The following KPNA6 variants were observed in gnomAD, a reference collection of about 807,000 sequenced individuals.
The protein encoded by KPNA6 is karyopherin subunit alpha 6.
A neutral mutation model predicts 72.0 loss-of-function variants in KPNA6; 9 were observed. That is an observed-to-expected ratio of 0.13 (90% CI 0.08 to 0.22). KPNA6 has a LOEUF of 0.22. Among genes scored for constraint, KPNA6 ranks in the 10% least tolerant of loss-of-function variants. The pLI is 1.00. For synonymous variants in KPNA6, 219 were observed against 242.1 expected (o/e 0.90, Z 0.89); for missense variants, 374 against 655.7 (o/e 0.57, Z 4.69).
At chr1:32,157,274 C>T in intron 3 of KPNA6, 72 bp from the exon 4 acceptor site, 1 of 1,149,288 alleles carries the variant, frequency 8.7e-7, no homozygotes, top group Non-Finnish European at 1.3e-6. Flanking sequence ...AACAGGATGC[C>T]AAGCAGTATT....
chr1:32,158,886 A>G (rs1317957769), intron 5 of KPNA6, among the ~76,000 whole-genome samples: 2 of 152,250 alleles, frequency 1.3e-5, no homozygotes, highest in Non-Finnish European at 2.9e-5. Flanking sequence ...CTGATCATTC[A>G]GTTATAAATC....
chr1:32,122,957 C>CA (rs912635889), intron 1 of KPNA6, among the ~76,000 whole-genome samples: 1,299 of 55,548 alleles, frequency 0.023, 10 homozygotes, highest in Middle Eastern at 0.085. Flanking sequence ...AACTCCATCT[C>CA]AAAAAAAAAA....
chr1:32,123,409 A>G (rs1052135125), intron 1 of KPNA6, among the ~76,000 whole-genome samples: 1 of 152,002 alleles, frequency 6.6e-6, no homozygotes, highest in Admixed American at 6.6e-5. Flanking sequence ...CATAAGAGTA[A>G]GTGTACAATT....
Position 32,132,032 on chromosome 1 carries a change from G to A in KPNA6, c.5-22556G>A, listed in dbSNP as rs182413486. 1.7e-3 allele frequency among the ~76,000 whole-genome samples: 258 copies of A among 151,642 alleles called. 1 individual carries two copies. The highest frequency in any genetic ancestry group is 4.4e-3 in the African/African-American group (180 of 41,300). On this transcript the variant is annotated intron_variant, in intron 1 of 13. Transcript: ENST00000373625. The stretch of plus-strand genomic sequence containing the variant: ...GTTGCCCAGGCTGTAGTGCAGTGGC[G>A]TAATCTCGGCTCACTGCAACCTCCG...
chr1:32,157,439 T>G lies in KPNA6; in HGVS notation c.325T>G (p.Ser109Ala). The change falls in exon 4 of 14, where the codon TCC becomes GCC. Residue 109 changes from serine (S) to alanine (A), a missense_variant. By Grantham distance (99) the Ser-to-Ala change is moderately conservative. Coordinates refer to ENST00000373625, the MANE Select transcript of KPNA6 (RefSeq NM_012316.5). ...CACACAGAAATTCCGGAAACTGCTC[T>G]CCAAAGGTACAAAGCCTGGCCCTTG... ...ATTQKFRKLL[S>A]KEPSPPIDEV... The G allele has an allele frequency of 6.2e-7, 1 of 1,612,156 alleles. No individual in the cohort carries two copies. The highest frequency in any genetic ancestry group is 8.5e-7 in the Non-Finnish European group (1 of 1,178,210).
chr1:32,168,202 G>A (rs1026125236), intron 12 of KPNA6, among the ~76,000 whole-genome samples: 2 of 152,162 alleles, frequency 1.3e-5, no homozygotes, highest in Admixed American at 6.6e-5. Flanking sequence ...AAATTAATTT[G>A]GGATATGAGA....
At chr1:32,111,464 G>A (rs1487375864) in intron 1 of KPNA6, among the ~76,000 whole-genome samples, 1 of 152,114 alleles carries the variant, frequency 6.6e-6, no homozygotes. Flanking sequence ...CTCCATCTCA[G>A]GTACCTCTCC....
intron 1 of KPNA6, among the ~76,000 whole-genome samples, chr1:32,126,432 T>A (rs1369290464): frequency 6.6e-6 from 1 of 152,100 alleles, no homozygotes; most frequent in Non-Finnish European, 1.5e-5. Context: ...TTGCCCAGGC[T>A]GGAGTGCAAT....
In KPNA6 at chr1:32,166,063, A is replaced by G. The variant is rs377275461; in HGVS notation, c.991-42A>G. 1.9e-6 allele frequency: 3 copies of G among 1,559,312 alleles called. No individual in the cohort carries two copies. The South Asian group carries it at 3.6e-5, about 19-fold the overall frequency. On this transcript the variant is annotated intron_variant, in intron 10 of 13. Transcript: ENST00000373625. ...AAAAAACATAAAAAAAATTAAAAAC[A>G]GTTTAATTTTTCTTTTGTTTCCTGT...
intron 1 of KPNA6, among the ~76,000 whole-genome samples, chr1:32,142,299 T>C (rs1409587223): frequency 6.6e-6 from 1 of 151,922 alleles, no homozygotes; most frequent in Non-Finnish European, 1.5e-5. Flanking sequence ...GAAGGGTTGT[T>C]TTATTCTCAG....
In KPNA6 at chr1:32,171,032, T is replaced by A; in HGVS notation, c.*138T>A. 1 of 713,884 alleles carries A rather than the reference T, an allele frequency of 1.4e-6. No homozygotes were observed. Among genetic ancestry groups the A allele is most frequent in the Non-Finnish European group, 2.3e-6 (1 of 430,748 alleles). The allele number at this position is 713,884 out of a possible 1,614,324, so 44.2% of individuals were successfully genotyped here. ...TGCCCTGGAGACTGTGCTCTTGACC[T>A]GCTCCGCCCCCTTCCCTGGAGGGAG... On this transcript the variant is annotated 3_prime_UTR_variant, in exon 14 of 14. Coordinates refer to ENST00000373625, the MANE Select transcript of KPNA6 (RefSeq NM_012316.5).
rs1443062916 is a variant in KPNA6, at chr1:32,172,083, G to A, written c.*1189G>A. On this transcript the variant is annotated 3_prime_UTR_variant, in exon 14 of 14. Transcript: ENST00000373625. ...TTTTTATATTCTATATATTAGGTAG[G>A]TCAATCTTAATTGGTCTCAAGAGGA... 1 of 152,102 alleles carries A rather than the reference G, an allele frequency of 6.6e-6. No individual in the cohort carries two copies. Among genetic ancestry groups the A allele is most frequent in the Non-Finnish European group, 1.5e-5 (1 of 68,024 alleles). 9.4% of individuals were successfully genotyped at this position (152,102 alleles called of 1,614,324 possible).
In KPNA6 at chr1:32,162,532, G is replaced by T. The variant is rs1208886570; in HGVS notation, c.911+8G>T. The T allele has an allele frequency of 6.2e-7, 1 of 1,613,506 alleles. No individual in the cohort carries two copies. The highest frequency in any genetic ancestry group is 8.5e-7 in the Non-Finnish European group (1 of 1,179,978). ...ATTGGTAGAGCTGCTGATGTGAGTGGTCTTAGAAGGGGTACAGGTTCTGGC... is the reference window on the plus strand; with the variant it reads ...ATTGGTAGAGCTGCTGATGTGAGTGTTCTTAGAAGGGGTACAGGTTCTGGC... On this transcript the variant is annotated splice_region_variant and intron_variant, in intron 9 of 13. Transcript: ENST00000373625.
intron 1 of KPNA6, among the ~76,000 whole-genome samples, chr1:32,133,639 G>T (rs1403226524): frequency 6.6e-6 from 1 of 151,976 alleles, no homozygotes; most frequent in Non-Finnish European, 1.5e-5. Context: ...GGAGTTGATT[G>T]CACTACTGCA....
intron 1 of KPNA6, among the ~76,000 whole-genome samples, chr1:32,108,761 G>C (rs1641193057): frequency 6.6e-6 from 1 of 152,354 alleles, no homozygotes. Context: ...GAACACCAAA[G>C]GCCAAGTCCT....
chr1:32,168,921 C>G (rs539444901), intron 12 of KPNA6, among the ~76,000 whole-genome samples: 16 of 152,188 alleles, frequency 1.1e-4, no homozygotes, highest in African/African-American at 3.9e-4. Flanking sequence ...GTAATGTGTT[C>G]AGAGGGGTAA....
chr1:32,167,406 A>G, intron 12 of KPNA6, 110 bp downstream of exon 12: 5 of 1,209,670 alleles, frequency 4.1e-6, no homozygotes, highest in Non-Finnish European at 4.7e-6. Flanking sequence ...TCTGCCCCCT[A>G]GTCTCACTGT....
chr1:32,164,317 C>T (rs890845780), intron 10 of KPNA6, among the ~76,000 whole-genome samples: 2 of 152,130 alleles, frequency 1.3e-5, no homozygotes, highest in African/African-American at 4.8e-5. Flanking sequence ...GGGTTGTTTC[C>T]ACCTTTTGGC....
Position 32,175,775 on chromosome 1 carries a change from T to TC in KPNA6, c.*4883dup, listed in dbSNP as rs1440363993. ...TCCAGCTTGGGTGACAGTGCGAGAC[T>TC]CCATCTCAAAAAAAAAAAAAAAAAA... is the stretch of plus-strand genomic sequence containing the variant. On this transcript the variant is annotated 3_prime_UTR_variant, in exon 14 of 14. Coordinates refer to ENST00000373625, the MANE Select transcript of KPNA6 (RefSeq NM_012316.5). 1.2e-5 allele frequency: 1 copy of TC among 80,456 alleles called. No individual in the cohort carries two copies. Among genetic ancestry groups the TC allele is most frequent in the Non-Finnish European group, 2.2e-5 (1 of 45,044 alleles). 5.0% of individuals were successfully genotyped at this position (80,456 alleles called of 1,614,324 possible). A position where few individuals can be genotyped will look rare whatever the true frequency, so the allele number is the denominator to read the frequency against.
Sources: gnomAD v4.1 joint callset for allele counts (sites outside exome capture counted in the v4.1 genomes callset) on GRCh38, gnomAD v4.1.1 for gene constraint, MANE v1.5 for transcripts, NCBI Gene and HGNC (gene_info 2026-07-23, HGNC 2026-07-21) for gene names.